Variants in ZNRF3 observed in about 807,000 individuals in gnomAD.
The protein encoded by ZNRF3 is zinc and ring finger 3.
In ZNRF3, 23 loss-of-function variants were observed where a neutral mutation model predicts 72.5. The ratio of observed to expected loss-of-function variants is 0.32; its 90% CI spans 0.23 to 0.45. ZNRF3 has a LOEUF of 0.45. ZNRF3 is among the 20% of genes least tolerant of loss of function. The probability of loss-of-function intolerance (pLI) is 1.00; values close to 1 mark genes in which losing one functional copy is unlikely to be tolerated. For missense variants in ZNRF3, 1,169 were observed against 1,272.1 expected, an observed-to-expected ratio of 0.92 and a Z score of 1.23; for synonymous variants, 610 against 545.3, an observed-to-expected ratio of 1.12 and a Z score of -1.65.
chr22:28,902,038 G>A (rs764280771), intron 1 of ZNRF3, among the ~76,000 whole-genome samples: 1 of 149,058 alleles, frequency 6.7e-6, no homozygotes, highest in South Asian at 2.1e-4. Context: ...CAGGGCTCAA[G>A]CAATTCTCCT....
intron 1 of ZNRF3, 56 bp from the exon 2 acceptor site, chr22:28,987,020 A>C (rs1018947152): frequency 1.3e-6 from 2 of 1,574,032 alleles, no homozygotes; most frequent in Non-Finnish European, 1.7e-6. Flanking sequence ...ACACAATATG[A>C]GTCAAGCAAA....
chr22:28,906,777 T>C (rs1569241291), intron 1 of ZNRF3, among the ~76,000 whole-genome samples: 1 of 152,112 alleles, frequency 6.6e-6, no homozygotes, highest in Non-Finnish European at 1.5e-5. Context: ...CAGAAACCAC[T>C]GGCTTGGATT....
intron 5 of ZNRF3, among the ~76,000 whole-genome samples, 154 bp from the exon 6 acceptor site, chr22:29,046,562 A>G (rs2037073969): frequency 6.6e-6 from 1 of 152,098 alleles, no homozygotes; most frequent in Non-Finnish European, 1.5e-5. Flanking sequence ...AATATGTGCT[A>G]TGGCAGTCTG....
At chr22:28,886,808 T>C (rs752948527) in intron 1 of ZNRF3, among the ~76,000 whole-genome samples, 1 of 149,698 alleles carries the variant, frequency 6.7e-6, no homozygotes, top group Non-Finnish European at 1.5e-5. Flanking sequence ...AAAAAAAAAG[T>C]AGCCCAGTAT....
chr22:28,924,475 C>G (rs935595461), intron 1 of ZNRF3, among the ~76,000 whole-genome samples: 1 of 152,102 alleles, frequency 6.6e-6, no homozygotes, highest in Non-Finnish European at 1.5e-5. Flanking sequence ...GCAGCCAGGG[C>G]ATGGTGGCTC....
At chr22:29,019,753 C>A (rs1399746987) in intron 2 of ZNRF3, among the ~76,000 whole-genome samples, 1 of 152,138 alleles carries the variant, frequency 6.6e-6, no homozygotes, top group Admixed American at 6.5e-5. Context: ...CTCAACAACC[C>A]TATAAAGTAC....
chr22:28,883,710 C>G lies in ZNRF3; in HGVS notation c.-57C>G. ...GCGTCCGCCCGCGTTCGGTCCTCAG[C>G]CGGCCCGCGACTATGCCCGGCCGCG... On this transcript the variant is annotated 5_prime_UTR_variant, in exon 1 of 9. Transcript: ENST00000544604. This position sits in a 1 kb window ranked among gnomAD's most constrained non-coding sequence, Gnocchi z 5.5. 1.0e-6 allele frequency: 1 copy of G among 983,854 alleles called. No homozygotes were observed. The allele number at this position is 983,854 out of a possible 1,614,324, so 60.9% of individuals were successfully genotyped here.
chr22:28,968,171 C>T (rs1341260410), intron 1 of ZNRF3, among the ~76,000 whole-genome samples: 2 of 152,172 alleles, frequency 1.3e-5, no homozygotes, highest in African/African-American at 4.8e-5. Flanking sequence ...CTACTGCATT[C>T]TGGGTGACTT....
At chr22:28,933,728 C>A (rs61503589) in intron 1 of ZNRF3, among the ~76,000 whole-genome samples, 627 of 53,188 alleles carry the variant, frequency 0.012, 18 homozygotes, top group African/African-American at 0.047. Context: ...ACCCCACCCC[C>A]CCCACACACA....
chr22:29,043,293 C>T lies in ZNRF3; in HGVS notation c.502-6C>T, dbSNP rs902593438. ...CTTTTAACCAGAGCCCTCTCTTCTT[C>T]CTTAGCTGAACCAGGGCTCTGAAGA... On this transcript the variant is annotated splice_polypyrimidine_tract_variant and splice_region_variant and intron_variant, in intron 3 of 8. Transcript: ENST00000544604. 9.3e-6 allele frequency: 15 copies of T among 1,613,550 alleles called. No individual in the cohort carries two copies. Among genetic ancestry groups the T allele is most frequent in the Non-Finnish European group, 1.2e-5 (14 of 1,179,834 alleles).
rs1396141927 is a variant in ZNRF3, at chr22:29,049,429, C to A, written c.1248C>A (p.Ile416=). The A allele has an allele frequency of 6.2e-7, 1 of 1,606,608 alleles. No individual in the cohort carries two copies. Among genetic ancestry groups the A allele is most frequent in the Non-Finnish European group, 8.5e-7 (1 of 1,179,380 alleles). Residue 416 remains isoleucine, a synonymous_variant, in exon 8 of 9, where the codon ATC becomes ATA. Coordinates refer to ENST00000544604, the MANE Select transcript of ZNRF3 (RefSeq NM_001206998.2). The surrounding 1 kb of genome is among the most constrained non-coding windows in gnomAD (Gnocchi z 5.2). ...SLYSPQTPAY[I]RSYPPLHLDH... The stretch of plus-strand genomic sequence containing the variant: ...ATTCCCCGCAGACCCCCGCCTACAT[C>A]CGCAGCTACCCACCCCTCCACCTGG...
Position 28,884,020 on chromosome 22 carries a change from T to C in ZNRF3, c.254T>C (p.Phe85Ser). 7.7e-7 allele frequency: 1 copy of C among 1,301,284 alleles called. No homozygotes were observed. The highest frequency in any genetic ancestry group is 4.9e-5 in the East Asian group (1 of 20,508). 80.6% of individuals were successfully genotyped at this position (1,301,284 alleles called of 1,614,324 possible). A position where few individuals can be genotyped will look rare whatever the true frequency, so the allele number is the denominator to read the frequency against. The change falls in exon 1 of 9, where the codon TTC becomes TCC. Residue 85 changes from phenylalanine to serine, a missense_variant. By Grantham distance (155) the Phe-to-Ser change is radical. Around this residue, in one of 2 missense-constraint regions of ZNRF3, gnomAD observed 386 missense variants for 540.7 expected, o/e 0.71. Coordinates refer to ENST00000544604, the MANE Select transcript of ZNRF3 (RefSeq NM_001206998.2). ...TTYTTGLTGRFSRAGATLSAE... is the reference protein window; with the variant it reads ...TTYTTGLTGRSSRAGATLSAE... ...TACACCACCGGCCTCACGGGCCGCT[T>C]CTCGCGGGCCGGGGCCACGCTCAGC...
At chr22:28,958,813 C>A (rs1270212976) in intron 1 of ZNRF3, among the ~76,000 whole-genome samples, 13 of 152,164 alleles carry the variant, frequency 8.5e-5, no homozygotes, top group Non-Finnish European at 4.4e-5. Flanking sequence ...TGTCTTAGCT[C>A]AGAGTAAACA....
At chr22:28,918,554 G>A (rs1023535694) in intron 1 of ZNRF3, among the ~76,000 whole-genome samples, 37 of 142,376 alleles carry the variant, frequency 2.6e-4, no homozygotes, top group African/African-American at 9.6e-4. Context: ...GTGTGTGTGT[G>A]TGTGTGTGTG....
chr22:29,052,961 C>T (rs988190651), intron 8 of ZNRF3, among the ~76,000 whole-genome samples: 2 of 152,048 alleles, frequency 1.3e-5, no homozygotes, highest in Admixed American at 1.3e-4. Flanking sequence ...ACAGCAAGAC[C>T]CTGTCTCAAA....
intron 2 of ZNRF3, among the ~76,000 whole-genome samples, chr22:29,032,309 G>A (rs1031894080): frequency 4.6e-5 from 7 of 152,304 alleles, no homozygotes; most frequent in African/African-American, 1.7e-4. Context: ...CAGAATGGAT[G>A]GAACAAACAC....
rs369747542 is a variant in ZNRF3, at chr22:29,038,951, C to CATAT, written c.427-3532_427-3529dup. On this transcript the variant is annotated intron_variant, in intron 2 of 8. Transcript: ENST00000544604. ...CAAGCTGTAAATGGAATTTAAGCAC[C>CATAT]ATATATATATATATAGAGAGAGAGA... 2.7e-5 allele frequency among the ~76,000 whole-genome samples: 4 copies of CATAT among 150,850 alleles called. No individual in the cohort carries two copies. In the South Asian group the frequency reaches 6.3e-4, roughly 24 times the overall value.
chr22:28,954,808 T>C (rs2035226349), intron 1 of ZNRF3, among the ~76,000 whole-genome samples: 1 of 152,028 alleles, frequency 6.6e-6, no homozygotes, highest in Admixed American at 6.6e-5. Flanking sequence ...AGAGACAGGG[T>C]TTCACCGTGT....
intron 2 of ZNRF3, among the ~76,000 whole-genome samples, chr22:28,990,803 A>G (rs528805625): frequency 1.3e-5 from 2 of 152,284 alleles, no homozygotes; most frequent in South Asian, 2.1e-4. Context: ...TAAGCATCTT[A>G]TAGAGCTAAG....
Sources: allele counts gnomAD v4.1 joint callset (sites outside exome capture counted in the v4.1 genomes callset), GRCh38; gene constraint gnomAD v4.1.1; regional missense constraint gnomAD v4.1.1; non-coding constraint Gnocchi (gnomAD v3.1); transcripts MANE v1.5; gene names NCBI Gene and HGNC (gene_info 2026-07-23, HGNC 2026-07-21).